The following TMEM161A variants were observed in gnomAD, a reference collection of about 807,000 sequenced individuals.
TMEM161A encodes adaptive response to oxidative stress protein 29.
TMEM161A carries 46 observed loss-of-function variants against 57.1 expected under a neutral mutation model. That is an observed-to-expected ratio of 0.81 (90% CI 0.64 to 1.03). The LOEUF (loss-of-function observed/expected upper bound fraction) is 1.03, where lower values mean the gene tolerates loss of function less well. Among genes scored for constraint, TMEM161A ranks in the 50% least tolerant of loss-of-function variants. The probability of loss-of-function intolerance (pLI) is 0.00; values close to 1 mark genes in which losing one functional copy is unlikely to be tolerated. For synonymous variants in TMEM161A, 288 were observed against 279.0 expected (o/e 1.03, Z -0.32); for missense variants, 601 against 621.5 (o/e 0.97, Z 0.35).
chr19:19,125,806 A>G (rs10410223), intron 6 of TMEM161A, among the ~76,000 whole-genome samples: 130,081 of 151,556 alleles, frequency 0.86, 56,027 homozygotes, highest in East Asian at 0.92. Context: ...ATGAGCCACC[A>G]CCCCTGGCCA....
chr19:19,129,097 G>A (rs577867079), intron 6 of TMEM161A, among the ~76,000 whole-genome samples: 137 of 152,228 alleles, frequency 9.0e-4, no homozygotes, highest in African/African-American at 3.0e-3. Context: ...TCCATGTGAC[G>A]AGGGCTAGGT....
rs1399716020 is a variant in TMEM161A, at chr19:19,134,823, G to T, written c.68C>A (p.Pro23Gln). 3 of 1,596,072 alleles carry T rather than the reference G, an allele frequency of 1.9e-6. No individual in the cohort carries two copies. In the East Asian group the frequency reaches 6.9e-5, roughly 37 times the overall value. The change falls in exon 2 of 12, where the codon CCA (proline) becomes CAA (glutamine). Residue 23 changes from proline (P) to glutamine (Q), a missense_variant. Coordinates refer to ENST00000162044, the MANE Select transcript of TMEM161A (RefSeq NM_017814.3). The part of the protein sequence containing the change: ...LTATLMHRLA[P>Q]HCSFARWLLC... The stretch of plus-strand genomic sequence containing the variant: ...CAGCCAGCGCGCGAAGGAGCAGTGT[G>T]GCGCCAGCCTGTGCATGAGGGTGGC...
At chr19:19,127,193 AC>A (rs1326430529) in intron 6 of TMEM161A, among the ~76,000 whole-genome samples, 1 of 152,158 alleles carries the variant, frequency 6.6e-6, no homozygotes, top group Non-Finnish European at 1.5e-5. Context: ...TCAAAGAGAT[AC>A]CTGTACACTC....
intron 11 of TMEM161A, 82 bp downstream of exon 11, chr19:19,120,683 G>T: frequency 2.8e-6 from 1 of 358,538 alleles, no homozygotes; most frequent in East Asian, 8.5e-5. Flanking sequence ...CCCCCCCACC[G>T]CGGTCCCCGC....
Position 19,132,737 on chromosome 19 carries a change from C to T in TMEM161A, c.206G>A (p.Ser69Asn), listed in dbSNP as rs1422221683. Residue 69 changes from serine to asparagine, a missense_variant, in exon 4 of 12, where the codon AGT becomes AAT. Physicochemically the swap from Ser to Asn is conservative, Grantham distance 46. Transcript: ENST00000162044. This position sits in a 1 kb window ranked among gnomAD's most constrained non-coding sequence, Gnocchi z 4.3. ...GRKERWANGL[S>N]EEKPLSVPRD... ...GGGCACAGACAGTGGCTTCTCCTCA[C>T]TAAGGCCATTGGCCCACCTGGGAGG... 6 of 1,557,378 alleles carry T rather than the reference C, an allele frequency of 3.9e-6. No homozygotes were observed. Among genetic ancestry groups the T allele is most frequent in the Non-Finnish European group, 5.2e-6 (6 of 1,152,592 alleles).
At position 19,132,448 on chromosome 19, in the gene TMEM161A, A is replaced by G; in HGVS notation, c.347T>C (p.Val116Ala). ...GTAGTAGGCCTCTGTGAAGAGGTAC[A>G]CGCCGCCCGAGTACACAGCAAAGTC... ...FVDFAVYSGG[V>A]YLFTEAYYYM... Residue 116 changes from valine (V) to alanine (A), a missense_variant, in exon 5 of 12, where the codon GTG (valine) becomes GCG (alanine). Transcript: ENST00000162044. This position sits in a 1 kb window ranked among gnomAD's most constrained non-coding sequence, Gnocchi z 4.3. The G allele has an allele frequency of 6.2e-7, 1 of 1,614,168 alleles. No individual in the cohort carries two copies. The highest frequency in any genetic ancestry group is 8.5e-7 in the Non-Finnish European group (1 of 1,180,032).
At chr19:19,128,438 G>A (rs2059941792) in intron 6 of TMEM161A, among the ~76,000 whole-genome samples, 1 of 151,382 alleles carries the variant, frequency 6.6e-6, no homozygotes, top group African/African-American at 2.4e-5. Flanking sequence ...CACCATGTTA[G>A]CCAGGATGGT....
At chr19:19,128,624 C>T (rs569037229) in intron 6 of TMEM161A, among the ~76,000 whole-genome samples, 17 of 151,148 alleles carry the variant, frequency 1.1e-4, no homozygotes, top group African/African-American at 1.2e-4. Context: ...CCACAACCTC[C>T]GCTTCCTGGG....
chr19:19,133,316 G>A (rs780746939), intron 2 of TMEM161A, 106 bp from the exon 3 acceptor site: 3 of 937,132 alleles, frequency 3.2e-6, no homozygotes, highest in Non-Finnish European at 5.0e-6. Context: ...CCTAGGCCAG[G>A]GGAACACTGG....
Position 19,119,824 on chromosome 19 carries a change from G to A in TMEM161A, c.*106C>T, listed in dbSNP as rs994856615. The stretch of plus-strand genomic sequence containing the variant: ...TGGTGAAGGGAACGCCGGGGAGTCC[G>A]GCCCCACCTTGCAGCTGGGGACACG... On this transcript the variant is annotated 3_prime_UTR_variant, in exon 12 of 12. Transcript: ENST00000162044. 1.1e-5 allele frequency: 16 copies of A among 1,407,704 alleles called. No individual in the cohort carries two copies. The highest frequency in any genetic ancestry group is 1.5e-5 in the Non-Finnish European group (16 of 1,048,254). The allele number at this position is 1,407,704 out of a possible 1,614,324, so 87.2% of individuals were successfully genotyped here.
At chr19:19,126,738 C>T (rs2059933040) in intron 6 of TMEM161A, among the ~76,000 whole-genome samples, 1 of 151,956 alleles carries the variant, frequency 6.6e-6, no homozygotes, top group South Asian at 2.1e-4. Context: ...GGTGTGGTGG[C>T]GCACACCTGT....
In TMEM161A at chr19:19,120,679, C is replaced by G; in HGVS notation, c.1186+86G>C. ...TGCCTAGGCCCCGCCTCTCCCCCCC[C>G]ACCGCGGTCCCCGCCAGAGTCCACC... On this transcript the variant is annotated intron_variant, in intron 11 of 11. Coordinates refer to ENST00000162044, the MANE Select transcript of TMEM161A (RefSeq NM_017814.3). 4 of 1,282,614 alleles carry G rather than the reference C, an allele frequency of 3.1e-6. 1 individual carries two copies. In the South Asian group the frequency reaches 5.0e-5, roughly 16 times the overall value. The allele number at this position is 1,282,614 out of a possible 1,614,324, so 79.5% of individuals were successfully genotyped here.
At position 19,124,787 on chromosome 19, in the gene TMEM161A, T is replaced by C. The variant is rs181108704; in HGVS notation, c.596-2968A>G. 4.8e-3 allele frequency among the ~76,000 whole-genome samples: 723 copies of C among 152,158 alleles called. 8 individuals are homozygous for C. The highest frequency in any genetic ancestry group is 0.017 in the Middle Eastern group (5 of 294). ...CTGGCCAACATGGTAAAACCCCGTCTCTACTAAAAATACAAAAATTAGCCA... is the reference window on the plus strand; with the variant it reads ...CTGGCCAACATGGTAAAACCCCGTCCCTACTAAAAATACAAAAATTAGCCA... On this transcript the variant is annotated intron_variant, in intron 6 of 11. Transcript: ENST00000162044.
chr19:19,134,947 C>A, intron 1 of TMEM161A, 60 bp from the exon 2 acceptor site: 1 of 1,247,308 alleles, frequency 8.0e-7, no homozygotes, highest in Non-Finnish European at 1.1e-6. Flanking sequence ...CCCTCCCTCC[C>A]TAGGAACCCA....
intron 1 of TMEM161A, 46 bp downstream of exon 1, chr19:19,138,380 G>A: frequency 6.3e-7 from 1 of 1,590,286 alleles, no homozygotes; most frequent in Non-Finnish European, 8.6e-7. Flanking sequence ...CCTTCGGCTG[G>A]ACCTCGGCCC....
At chr19:19,120,666 G>T in intron 11 of TMEM161A, 99 bp downstream of exon 11, 1 of 511,030 alleles carries the variant, frequency 2.0e-6, no homozygotes. Context: ...CCTAGGCCCC[G>T]CCTCTCCCCC....
intron 2 of TMEM161A, among the ~76,000 whole-genome samples, chr19:19,134,090 A>G (rs1317591408): frequency 6.7e-6 from 1 of 149,202 alleles, no homozygotes; most frequent in African/African-American, 2.5e-5. Context: ...TGTCACATAC[A>G]TTTTTCTCAG....
intron 11 of TMEM161A, 48 bp downstream of exon 11, chr19:19,120,717 T>C: frequency 6.3e-7 from 1 of 1,580,422 alleles, no homozygotes; most frequent in Non-Finnish European, 8.7e-7. Flanking sequence ...CACTCTGTTT[T>C]ATCTTCCAAC....
At position 19,132,240 on chromosome 19, in the gene TMEM161A, G is replaced by A. The variant is rs2059962559; in HGVS notation, c.443+112C>T. 3.2e-6 allele frequency: 4 copies of A among 1,259,770 alleles called. No homozygotes were observed. The East Asian group carries it at 7.0e-5, about 22-fold the overall frequency. The allele number at this position is 1,259,770 out of a possible 1,614,324, so 78.0% of individuals were successfully genotyped here. A position where few individuals can be genotyped will look rare whatever the true frequency, so the allele number is the denominator to read the frequency against. ...TGTCTGCTTCATGTCACTAAGCTTG[G>A]GGAAGTTTGTGGCACAGCAGGTGAA... On this transcript the variant is annotated intron_variant, in intron 5 of 11. Coordinates refer to ENST00000162044, the MANE Select transcript of TMEM161A (RefSeq NM_017814.3). The surrounding 1 kb of genome is among the most constrained non-coding windows in gnomAD (Gnocchi z 4.3).
Sources: gnomAD v4.1 joint callset for allele counts (sites outside exome capture counted in the v4.1 genomes callset) on GRCh38, gnomAD v4.1.1 for gene constraint, Gnocchi (gnomAD v3.1) non-coding constraint, MANE v1.5 for transcripts, NCBI Gene and HGNC (gene_info 2026-07-23, HGNC 2026-07-21) for gene names.